ADAMTS3: variants seen among roughly 807,000 people sequenced by gnomAD.
ADAMTS3 encodes the protein ADAM metallopeptidase with thrombospondin type 1 motif 3, also known as A disintegrin and metalloproteinase with thrombospondin motifs 3.
ADAMTS3 carries 73 observed loss-of-function variants against 129.0 expected under a neutral mutation model. The ratio of observed to expected loss-of-function variants is 0.57; its 90% confidence interval spans 0.47 to 0.69. ADAMTS3 has a LOEUF of 0.69. Among genes scored for constraint, ADAMTS3 ranks in the 30% least tolerant of loss-of-function variants. The probability of loss-of-function intolerance (pLI) is 0.00; values close to 1 mark genes in which losing one functional copy is unlikely to be tolerated. For synonymous variants in ADAMTS3, 477 were observed against 510.8 expected (o/e 0.93, Z 0.89); for missense variants, 1,457 against 1,514.5 (o/e 0.96, Z 0.63).
At chr4:72,283,760 G>T in intron 21 of ADAMTS3, 56 bp from the exon 22 acceptor site, 1 of 1,423,598 alleles carries the variant, frequency 7.0e-7, no homozygotes, top group East Asian at 2.4e-5. Context: ...AAAATAAAAG[G>T]AGGAAAAAAA....
intron 17 of ADAMTS3, among the ~76,000 whole-genome samples, chr4:72,299,202 T>C (rs1000914554): frequency 2.0e-4 from 31 of 151,618 alleles, no homozygotes; most frequent in Non-Finnish European, 2.9e-4. Context: ...ATGATGGTCA[T>C]TGGAGACTCA....
At position 72,468,566 on chromosome 4, in the gene ADAMTS3, T is replaced by G. The variant is rs932135143; in HGVS notation, c.505-53595A>C. Among the ~76,000 whole-genome samples the G allele has an allele frequency of 5.3e-5, 8 of 152,074 alleles. No homozygotes were observed. The East Asian group carries it at 1.5e-3, about 29-fold the overall frequency. On this transcript the variant is annotated intron_variant, in intron 3 of 21. Coordinates refer to ENST00000286657, the MANE Select transcript of ADAMTS3 (RefSeq NM_014243.3). ...CTCCCCATACCTAGTCATATTTAAA[T>G]GACAAGTCTGGAATAATAAATAATG...
chr4:72,471,281 T>G (rs1238937141), intron 3 of ADAMTS3, among the ~76,000 whole-genome samples: 2 of 152,168 alleles, frequency 1.3e-5, no homozygotes, highest in African/African-American at 4.8e-5. Context: ...TTTTTCTGAT[T>G]TAATCTGTAG....
At chr4:72,455,908 C>T (rs1474965310) in intron 3 of ADAMTS3, among the ~76,000 whole-genome samples, 1 of 92,376 alleles carries the variant, frequency 1.1e-5, no homozygotes, top group Admixed American at 1.3e-4. Context: ...AGTATATACA[C>T]TGTATATATA....
At chr4:72,431,139 G>C (rs1354486169) in intron 3 of ADAMTS3, among the ~76,000 whole-genome samples, 1 of 151,932 alleles carries the variant, frequency 6.6e-6, no homozygotes, top group African/African-American at 2.4e-5. Context: ...AATGCAAAAA[G>C]ACACCCACAG....
At chr4:72,494,218 G>C (rs891476425) in intron 3 of ADAMTS3, among the ~76,000 whole-genome samples, 30 of 152,064 alleles carry the variant, frequency 2.0e-4, no homozygotes, top group African/African-American at 7.2e-4. Context: ...GCATATTTTA[G>C]TTTTCTTGAT....
chr4:72,526,370 T>C (rs1335219433), intron 3 of ADAMTS3, among the ~76,000 whole-genome samples: 1 of 152,132 alleles, frequency 6.6e-6, no homozygotes, highest in Non-Finnish European at 1.5e-5. Context: ...TACCCAAATT[T>C]GATAGAAAAC....
chr4:72,406,081 G>A (rs575419341), intron 4 of ADAMTS3, among the ~76,000 whole-genome samples: 16 of 152,168 alleles, frequency 1.1e-4, no homozygotes, highest in Admixed American at 5.9e-4. Context: ...TGTGAGAGAG[G>A]GCTGCTGAAT....
intron 4 of ADAMTS3, among the ~76,000 whole-genome samples, chr4:72,409,862 T>C (rs991510916): frequency 6.6e-6 from 1 of 152,158 alleles, no homozygotes; most frequent in Admixed American, 6.5e-5. Context: ...TCCATAAATA[T>C]GATTAGTATT....
chr4:72,301,358 G>C (rs1466355015), intron 17 of ADAMTS3, among the ~76,000 whole-genome samples: 2 of 151,960 alleles, frequency 1.3e-5, no homozygotes, highest in East Asian at 1.9e-4. Context: ...CCTATGGACT[G>C]GAATAAAACA....
At chr4:72,321,636 A>C (rs1719557884) in intron 6 of ADAMTS3, among the ~76,000 whole-genome samples, 1 of 152,182 alleles carries the variant, frequency 6.6e-6, no homozygotes, top group South Asian at 2.1e-4. Flanking sequence ...AATCTTAGTT[A>C]AGATTTTTGT....
At chr4:72,506,511 C>T (rs1720162767) in intron 3 of ADAMTS3, among the ~76,000 whole-genome samples, 4 of 152,206 alleles carry the variant, frequency 2.6e-5, no homozygotes, top group Admixed American at 2.6e-4. Context: ...AAAATGCCTA[C>T]ATGTCCATCA....
chr4:72,284,271 G>A (rs1560457642), intron 21 of ADAMTS3, among the ~76,000 whole-genome samples: 1 of 151,928 alleles, frequency 6.6e-6, no homozygotes, highest in South Asian at 2.1e-4. Context: ...GTGAAAAGCC[G>A]TCTCTACTAA....
intron 3 of ADAMTS3, among the ~76,000 whole-genome samples, chr4:72,478,393 C>A (rs1719308490): frequency 6.7e-6 from 1 of 148,740 alleles, no homozygotes; most frequent in African/African-American, 2.5e-5. Context: ...TCAATATATG[C>A]AAATCAATAA....
At chr4:72,547,914 G>C (rs572266170) in intron 3 of ADAMTS3, among the ~76,000 whole-genome samples, 89 of 152,058 alleles carry the variant, frequency 5.9e-4, no homozygotes, top group Non-Finnish European at 9.7e-4. Context: ...GCAACATATG[G>C]GTATTAAATT....
At chr4:72,421,225 TC>T (rs1722436489) in intron 3 of ADAMTS3, among the ~76,000 whole-genome samples, 1 of 152,244 alleles carries the variant, frequency 6.6e-6, no homozygotes, top group African/African-American at 2.4e-5. Context: ...ATGGTCCTAG[TC>T]CCACTGGTAC....
At chr4:72,529,163 G>C (rs939354697) in intron 3 of ADAMTS3, among the ~76,000 whole-genome samples, 1 of 152,144 alleles carries the variant, frequency 6.6e-6, no homozygotes, top group African/African-American at 2.4e-5. Context: ...AAAGGCCAGA[G>C]GCAGGAAAAT....
intron 3 of ADAMTS3, among the ~76,000 whole-genome samples, chr4:72,532,925 G>A (rs1721082929): frequency 6.6e-6 from 1 of 152,180 alleles, no homozygotes; most frequent in Admixed American, 6.5e-5. Context: ...GGGCAAGTCA[G>A]TGAGTGGTAA....
chr4:72,467,298 C>T (rs1023371602), intron 3 of ADAMTS3, among the ~76,000 whole-genome samples: 14 of 152,024 alleles, frequency 9.2e-5, no homozygotes, highest in African/African-American at 2.7e-4. Context: ...ATCACTGTCT[C>T]GAGGCTTACT....
Sources: gnomAD v4.1 joint callset for allele counts (sites outside exome capture counted in the v4.1 genomes callset) on GRCh38, gnomAD v4.1.1 for gene constraint, MANE v1.5 for transcripts, NCBI Gene and HGNC (gene_info 2026-07-23, HGNC 2026-07-21) for gene names.